Variants in MPP7 observed in about 807,000 individuals in gnomAD.
MPP7 encodes the protein MAGUK p55 subfamily member 7.
MPP7 carries 60 observed loss-of-function variants against 76.5 expected under a neutral mutation model. That is an observed-to-expected ratio of 0.78 (90% CI 0.64 to 0.97). MPP7 has a LOEUF of 0.97. Among genes scored for constraint, MPP7 ranks in the 50% least tolerant of loss-of-function variants. The pLI is 0.00. For missense variants in MPP7, 641 were observed against 694.0 expected (o/e 0.92, Z 0.86); for synonymous variants, 237 against 244.5 (o/e 0.97, Z 0.29).
chr10:28,202,321 A>G (rs550601521), intron 2 of MPP7, 50 bp from the exon 3 acceptor site: 1 of 1,340,454 alleles, frequency 7.5e-7, no homozygotes, highest in Admixed American at 1.9e-5. Flanking sequence ...TGATCTCATT[A>G]ATTTCGCCTA....
chr10:28,078,486 G>C (rs576493442), intron 12 of MPP7, among the ~76,000 whole-genome samples: 2 of 152,202 alleles, frequency 1.3e-5, no homozygotes, highest in South Asian at 4.1e-4. Context: ...AGCCAAAAAG[G>C]CACATTAAAA....
intron 3 of MPP7, among the ~76,000 whole-genome samples, chr10:28,186,499 C>T (rs1564686768): frequency 1.3e-5 from 2 of 152,150 alleles, no homozygotes; most frequent in South Asian, 2.1e-4. Context: ...AGAACTGTGA[C>T]GTTTTAAAAT....
chr10:28,169,300 G>A (rs944860542), intron 3 of MPP7, among the ~76,000 whole-genome samples: 1 of 146,398 alleles, frequency 6.8e-6, no homozygotes, highest in Non-Finnish European at 1.5e-5. Flanking sequence ...GGACCAGCCT[G>A]AGCAACACAA....
chr10:28,214,124 ACAG>A (rs1838234586), intron 2 of MPP7, among the ~76,000 whole-genome samples: 1 of 152,166 alleles, frequency 6.6e-6, no homozygotes, highest in South Asian at 2.1e-4. Context: ...TACAAGATAA[ACAG>A]CAGTTTTATA....
At chr10:28,169,709 T>C (rs556246278) in intron 3 of MPP7, among the ~76,000 whole-genome samples, 4 of 152,132 alleles carry the variant, frequency 2.6e-5, no homozygotes, top group African/African-American at 9.6e-5. Flanking sequence ...GTAAGTAGGG[T>C]TTTTTTGTTT....
At chr10:28,310,133 C>G (rs752723855) in intron 2 of MPP7, among the ~76,000 whole-genome samples, 19 of 151,514 alleles carry the variant, frequency 1.3e-4, no homozygotes, top group Non-Finnish European at 2.5e-4. Flanking sequence ...TCCCAAGTAG[C>G]TAGGATTACA....
upstream of MPP7, chr10:28,334,559 C>T (rs1179755783): frequency 1.3e-5 from 2 of 152,274 alleles, no homozygotes; most frequent in East Asian, 3.9e-4. Context: ...ATGTGCTTGA[C>T]GTTTATTTGT....
intron 11 of MPP7, among the ~76,000 whole-genome samples, chr10:28,091,914 A>G (rs1853325257): frequency 6.6e-6 from 1 of 152,222 alleles, no homozygotes; most frequent in Non-Finnish European, 1.5e-5. Flanking sequence ...TGCATAGATT[A>G]CATGCAAGTA....
chr10:28,262,259 G>A (rs11006967), intron 1 of MPP7, among the ~76,000 whole-genome samples: 223 of 13,650 alleles, frequency 0.016, 4 homozygotes, highest in Middle Eastern at 0.083. Flanking sequence ...ATATATATAT[G>A]TATATATATA....
chr10:28,243,424 A>G (rs1225856585), intron 1 of MPP7, among the ~76,000 whole-genome samples: 2 of 150,582 alleles, frequency 1.3e-5, no homozygotes, highest in East Asian at 2.0e-4. Context: ...GGCATTTTGT[A>G]TCAACATTGG....
intron 3 of MPP7, among the ~76,000 whole-genome samples, chr10:28,168,411 T>C (rs75500762): frequency 0.13 from 20,214 of 152,218 alleles, 2,044 homozygotes; most frequent in African/African-American, 0.28. Flanking sequence ...CGGCTAGTTT[T>C]TTCACTTATT....
At chr10:28,175,853 C>A (rs1024169590) in intron 3 of MPP7, among the ~76,000 whole-genome samples, 1 of 152,070 alleles carries the variant, frequency 6.6e-6, no homozygotes, top group African/African-American at 2.4e-5. Flanking sequence ...ATCAGAGAAG[C>A]TTTTGGATAA....
intron 2 of MPP7, among the ~76,000 whole-genome samples, chr10:28,232,026 G>T (rs1361376981): frequency 6.6e-6 from 1 of 151,984 alleles, no homozygotes; most frequent in Non-Finnish European, 1.5e-5. Context: ...GACCAAATTG[G>T]GTTTATCCCT....
intron 5 of MPP7, among the ~76,000 whole-genome samples, chr10:28,135,101 A>C (rs1351055790): frequency 6.6e-6 from 1 of 152,194 alleles, no homozygotes; most frequent in Non-Finnish European, 1.5e-5. Flanking sequence ...GACAGGAAAC[A>C]ATGTGAGCCT....
At chr10:28,119,149 T>C (rs993284850) in intron 11 of MPP7, 1 of 781,936 alleles carries the variant, frequency 1.3e-6, no homozygotes, top group Non-Finnish European at 1.6e-6. Context: ...TCATTTTCTT[T>C]TAATCTAGTC....
intron 1 of MPP7, among the ~76,000 whole-genome samples, chr10:28,245,313 G>A (rs891508606): frequency 2.6e-5 from 4 of 152,094 alleles, no homozygotes; most frequent in East Asian, 1.9e-4. Context: ...TGTAATTAAC[G>A]TACATCAATA....
rs1193412428 is a variant in MPP7 at position 28,111,112 on chromosome 10, T to A, written c.952+8539A>T. Among the ~76,000 whole-genome samples the A allele has an allele frequency of 2.0e-5, 3 of 152,126 alleles. No homozygotes were observed. The East Asian group carries it at 5.8e-4, about 29-fold the overall frequency. Reference sequence around the variant, plus strand: ...GGGTAACTTATTATACATGTACCTTTAATTTCCTCTGAGAAGCACAAAGAA... The same window carrying A: ...GGGTAACTTATTATACATGTACCTTAAATTTCCTCTGAGAAGCACAAAGAA... On this transcript the variant is annotated intron_variant, in intron 11 of 16. Coordinates refer to ENST00000683449, the MANE Select transcript of MPP7 (RefSeq NM_001318170.2).
At chr10:28,133,789 CT>C (rs1835269930) in intron 5 of MPP7, among the ~76,000 whole-genome samples, 1 of 152,072 alleles carries the variant, frequency 6.6e-6, no homozygotes, top group Admixed American at 6.6e-5. Context: ...CGATCTTTCC[CT>C]TTATTTGAAA....
At chr10:28,317,443 A>C (rs948787083) in intron 2 of MPP7, among the ~76,000 whole-genome samples, 3 of 152,132 alleles carry the variant, frequency 2.0e-5, no homozygotes, top group Admixed American at 2.0e-4. Context: ...AGGCAGGAGG[A>C]TTACTTGAGC....
Sources: gnomAD v4.1 joint callset for allele counts (sites outside exome capture counted in the v4.1 genomes callset) on GRCh38, gnomAD v4.1.1 for gene constraint, MANE v1.5 for transcripts, NCBI Gene and HGNC (gene_info 2026-07-23, HGNC 2026-07-21) for gene names.